Variants in UBE3A observed in about 807,000 individuals in gnomAD.
The protein encoded by UBE3A is ubiquitin protein ligase E3A.
In UBE3A, 6 loss-of-function variants were observed where a neutral mutation model predicts 83.4. The observed-to-expected ratio is 0.07, with a 90% CI of 0.04 to 0.14. The LOEUF is 0.14. UBE3A is among the 10% of genes least tolerant of loss of function. The pLI is 1.00. For missense variants in UBE3A, 456 were observed against 1,036.1 expected (o/e 0.44, Z 7.69); for synonymous variants, 337 against 355.4 (o/e 0.95, Z 0.58).
rs544350845 is a variant in UBE3A at position 25,422,689 on chromosome 15, G to A, written c.-164-10718C>T. Among the ~76,000 whole-genome samples, 28 of 151,718 alleles carry A rather than the reference G, an allele frequency of 1.8e-4. No homozygotes were observed. In the East Asian group the frequency reaches 5.1e-3, roughly 27 times the overall value. On this transcript the variant is annotated intron_variant, in intron 1 of 12. Transcript: ENST00000648336. The stretch of plus-strand genomic sequence containing the variant: ...AAAAGTATCAGAAGAAAATACAAGA[G>A]ATTGGCCAGGTATAGTAGCTCATGC...
At chr15:25,423,484 T>C (rs1890416357) in intron 1 of UBE3A, among the ~76,000 whole-genome samples, 1 of 152,140 alleles carries the variant, frequency 6.6e-6, no homozygotes. Flanking sequence ...AAGCAAATAT[T>C]GAAAACAACC....
At chr15:25,389,706 A>C (rs2083893144) in intron 4 of UBE3A, among the ~76,000 whole-genome samples, 2 of 152,094 alleles carry the variant, frequency 1.3e-5, no homozygotes, top group Non-Finnish European at 2.9e-5. Flanking sequence ...TGGCTAACAT[A>C]GTGAAACCCC....
intron 1 of UBE3A, among the ~76,000 whole-genome samples, chr15:25,434,995 C>G (rs868420750): frequency 0.023 from 3,454 of 150,870 alleles, 51 homozygotes; most frequent in Middle Eastern, 0.09. Context: ...CACACACACA[C>G]ACACACACAC....
In UBE3A at chr15:25,335,269, G is replaced by A. The variant is rs1477676203; in HGVS notation, c.*3868C>T. ...GGTACTTTAAATATCTGGTCATGAA[G>A]AGTATTTGAGAAATATGACAAGTGA... On this transcript the variant is annotated 3_prime_UTR_variant, in exon 13 of 13. Transcript: ENST00000648336. The A allele has an allele frequency of 1.3e-5, 2 of 152,152 alleles. No individual in the cohort carries two copies. The highest frequency in any genetic ancestry group is 2.9e-5 in the Non-Finnish European group (2 of 68,016). The allele number at this position is 152,152 out of a possible 1,614,324, so 9.4% of individuals were successfully genotyped here. A position where few individuals can be genotyped will look rare whatever the true frequency, so the allele number is the denominator to read the frequency against.
intron 4 of UBE3A, 119 bp downstream of exon 4, chr15:25,405,342 T>C (rs1364000530): frequency 8.3e-7 from 1 of 1,210,446 alleles, no homozygotes; most frequent in Non-Finnish European, 1.2e-6. Context: ...TATCTCCCAT[T>C]TACTGCTAAA....
chr15:25,346,785 G>A (rs574698364), intron 11 of UBE3A: 1 of 152,180 alleles, frequency 6.6e-6, no homozygotes, highest in African/African-American at 2.4e-5. Context: ...ACAAAGGAGA[G>A]AAATCTGAAC....
intron 1 of UBE3A, among the ~76,000 whole-genome samples, chr15:25,422,567 A>G (rs1890136150): frequency 6.6e-6 from 1 of 152,184 alleles, no homozygotes; most frequent in African/African-American, 2.4e-5. Context: ...AACCATGACA[A>G]ATGCAATCCA....
intron 1 of UBE3A, among the ~76,000 whole-genome samples, chr15:25,421,164 T>C (rs1020883493): frequency 1.3e-5 from 2 of 152,000 alleles, no homozygotes; most frequent in Non-Finnish European, 2.9e-5. Flanking sequence ...GGATACAGAG[T>C]GAGTTCGCAG....
chr15:25,379,826 G>A (rs2152881762), intron 4 of UBE3A, among the ~76,000 whole-genome samples: 1 of 152,152 alleles, frequency 6.6e-6, no homozygotes, highest in East Asian at 1.9e-4. Context: ...TAAATGGCTG[G>A]AAAAAGTTTG....
At chr15:25,409,039 C>T (rs779980643) in intron 3 of UBE3A, 49 bp downstream of exon 3, 21 of 1,550,120 alleles carry the variant, frequency 1.4e-5, no homozygotes, top group Non-Finnish European at 1.8e-5. Flanking sequence ...GTATGTATTT[C>T]ACTTTACAAT....
chr15:25,415,359 C>G (rs1021461670), intron 1 of UBE3A, among the ~76,000 whole-genome samples: 5 of 152,220 alleles, frequency 3.3e-5, no homozygotes, highest in Non-Finnish European at 7.3e-5. Context: ...CCATGTGGCC[C>G]TGACCCCAGC....
intron 4 of UBE3A, among the ~76,000 whole-genome samples, chr15:25,381,629 T>C (rs2082185877): frequency 1.3e-5 from 2 of 152,216 alleles, no homozygotes; most frequent in African/African-American, 2.4e-5. Flanking sequence ...CTTATATAAT[T>C]AGTCTATAAA....
chr15:25,413,385 T>C (rs535098337), intron 1 of UBE3A, among the ~76,000 whole-genome samples: 11 of 152,298 alleles, frequency 7.2e-5, no homozygotes, highest in Admixed American at 6.5e-4. Flanking sequence ...TCTATCACTT[T>C]TTATTATAAC....
intron 6 of UBE3A, among the ~76,000 whole-genome samples, chr15:25,363,814 A>C (rs2078540426): frequency 6.6e-6 from 1 of 152,148 alleles, no homozygotes; most frequent in Admixed American, 6.5e-5. Flanking sequence ...TTGGTAACTG[A>C]ATTCTGTAGG....
intron 1 of UBE3A, among the ~76,000 whole-genome samples, chr15:25,433,333 G>A (rs916596708): frequency 6.6e-6 from 1 of 151,862 alleles, no homozygotes; most frequent in African/African-American, 2.4e-5. Context: ...ACAGGCATGC[G>A]CCACCACGTC....
intron 6 of UBE3A, among the ~76,000 whole-genome samples, chr15:25,365,654 A>G (rs557247414): frequency 6.3e-4 from 96 of 151,430 alleles, no homozygotes; most frequent in Non-Finnish European, 1.3e-3. Context: ...AGGCTGAGGC[A>G]GGAGAATGGC....
At chr15:25,423,417 A>G (rs1286717856) in intron 1 of UBE3A, among the ~76,000 whole-genome samples, 1 of 152,210 alleles carries the variant, frequency 6.6e-6, no homozygotes, top group East Asian at 1.9e-4. Flanking sequence ...TAATGGCCTG[A>G]CATCTTATTT....
At chr15:25,378,160 A>C (rs374040005) in intron 4 of UBE3A, among the ~76,000 whole-genome samples, 1 of 152,194 alleles carries the variant, frequency 6.6e-6, no homozygotes, top group Non-Finnish European at 1.5e-5. Context: ...AAAAATTACA[A>C]AAGTCAAAAT....
chr15:25,407,245 A>C, intron 3 of UBE3A: 1 of 1,144,230 alleles, frequency 8.7e-7, no homozygotes, highest in Non-Finnish European at 1.1e-6. Context: ...TGCAAAACAA[A>C]AAATAAACCT....
Sources: allele counts gnomAD v4.1 joint callset (sites outside exome capture counted in the v4.1 genomes callset), GRCh38; gene constraint gnomAD v4.1.1; transcripts MANE v1.5; gene names NCBI Gene and HGNC (gene_info 2026-07-23, HGNC 2026-07-21).